DLGAP1: variants seen among roughly 807,000 people sequenced by gnomAD.
DLGAP1 encodes the protein DLG associated protein 1.
DLGAP1 carries 11 observed loss-of-function variants against 90.8 expected under a neutral mutation model. The observed-to-expected ratio is 0.12, with a 90% CI of 0.08 to 0.20. The LOEUF (loss-of-function observed/expected upper bound fraction) is 0.20. Among genes scored for constraint, DLGAP1 ranks in the 10% least tolerant of loss-of-function variants. The pLI is 1.00. For missense variants in DLGAP1, 1,050 were observed against 1,333.8 expected, an observed-to-expected ratio of 0.79 and a Z score of 3.31; for synonymous variants, 558 against 540.7, an observed-to-expected ratio of 1.03 and a Z score of -0.44.
rs543379979 is a variant in DLGAP1, at chr18:3,969,713, T to C, written c.-73+35403A>G. 8.5e-5 allele frequency among the ~76,000 whole-genome samples: 13 copies of C among 152,292 alleles called. No homozygotes were observed. In the South Asian group the frequency reaches 2.3e-3, roughly 27 times the overall value. On this transcript the variant is annotated intron_variant, in intron 3 of 12. Coordinates refer to ENST00000315677, the MANE Select transcript of DLGAP1 (RefSeq NM_004746.4). ...ATTTTAGTAGTGACTATCCACAGATTATGCAAAATCAAAATTAGGCCCTTA... is the reference window on the plus strand; with the variant it reads ...ATTTTAGTAGTGACTATCCACAGATCATGCAAAATCAAAATTAGGCCCTTA...
chr18:4,215,860 G>A (rs1044186446), intron 1 of DLGAP1, among the ~76,000 whole-genome samples: 2 of 152,016 alleles, frequency 1.3e-5, no homozygotes, highest in African/African-American at 4.8e-5. Flanking sequence ...AGTGGGAGCA[G>A]GAACACATTT....
intron 1 of DLGAP1, among the ~76,000 whole-genome samples, chr18:4,229,499 A>G (rs1418747008): frequency 1.3e-5 from 2 of 152,114 alleles, no homozygotes; most frequent in Admixed American, 1.3e-4. Flanking sequence ...ATGGAACAAA[A>G]TAGAGGACCT....
At chr18:4,138,380 G>A (rs527354378) in intron 2 of DLGAP1, among the ~76,000 whole-genome samples, 2 of 151,950 alleles carry the variant, frequency 1.3e-5, no homozygotes, top group South Asian at 4.2e-4. Context: ...ATGATCATAA[G>A]GTTTTTGTCC....
intron 3 of DLGAP1, among the ~76,000 whole-genome samples, chr18:3,936,977 T>C (rs1286763380): frequency 6.6e-6 from 1 of 152,178 alleles, no homozygotes; most frequent in Non-Finnish European, 1.5e-5. Context: ...TTGGCTCTTA[T>C]TTAAAACCAG....
Position 4,274,722 on chromosome 18 carries a change from CACA to C in DLGAP1, c.-266-123438_-266-123436del, listed in dbSNP as rs961399388. ...TTCTGACAGCTATAATTGAGAAAAC[CACA>C]ACAATTGAGTATTTGAAAACCCCGC... On this transcript the variant is annotated intron_variant, in intron 1 of 12. Coordinates refer to ENST00000315677, the MANE Select transcript of DLGAP1 (RefSeq NM_004746.4). Among the ~76,000 whole-genome samples, 4 of 152,098 alleles carry C rather than the reference CACA, an allele frequency of 2.6e-5. No individual in the cohort carries two copies. In the South Asian group the frequency reaches 6.2e-4, roughly 24 times the overall value.
chr18:3,528,231 A>G (rs2051774871), intron 10 of DLGAP1, among the ~76,000 whole-genome samples: 2 of 152,124 alleles, frequency 1.3e-5, no homozygotes, highest in Non-Finnish European at 2.9e-5. Flanking sequence ...TACTTGACCC[A>G]TTTATCGAAG....
At chr18:3,947,413 A>G (rs1432859074) in intron 3 of DLGAP1, among the ~76,000 whole-genome samples, 2 of 151,954 alleles carry the variant, frequency 1.3e-5, no homozygotes, top group Non-Finnish European at 2.9e-5. Flanking sequence ...TGTCCCCTCA[A>G]TCTCTGCCTC....
intron 2 of DLGAP1, among the ~76,000 whole-genome samples, chr18:4,062,200 C>T (rs6506161): frequency 0.43 from 65,613 of 151,652 alleles, 15,136 homozygotes; most frequent in African/African-American, 0.6. Flanking sequence ...TCTTAACTTA[C>T]GGCAATATAG....
At chr18:4,331,659 C>T (rs7228689) in intron 1 of DLGAP1, among the ~76,000 whole-genome samples, 55,172 of 151,216 alleles carry the variant, frequency 0.36, 10,340 homozygotes, top group African/African-American at 0.4. Flanking sequence ...AGATGACTGG[C>T]GCCCTGCTTC....
chr18:4,161,463 T>C (rs2076844249), intron 1 of DLGAP1, among the ~76,000 whole-genome samples: 1 of 152,208 alleles, frequency 6.6e-6, no homozygotes. Context: ...ATGGTATATA[T>C]GTACCACATT....
At chr18:3,740,408 G>C (rs1324974072) in intron 6 of DLGAP1, among the ~76,000 whole-genome samples, 1 of 152,088 alleles carries the variant, frequency 6.6e-6, no homozygotes. Flanking sequence ...GCATGTTCTT[G>C]GAGATTTCTG....
At position 4,428,514 on chromosome 18, in the gene DLGAP1, G is replaced by A. The variant is rs185464002; in HGVS notation, c.-267+26492C>T. Among the ~76,000 whole-genome samples the A allele has an allele frequency of 3.9e-4, 59 of 152,104 alleles. No individual in the cohort carries two copies. The East Asian group carries it at 9.7e-3, about 25-fold the overall frequency. On this transcript the variant is annotated intron_variant, in intron 1 of 12. Coordinates refer to ENST00000315677, the MANE Select transcript of DLGAP1 (RefSeq NM_004746.4). The stretch of plus-strand genomic sequence containing the variant: ...TGAGAAATGCTTGAACCTGGGAGGC[G>A]AAGGTTGCAGCGAACCGAGATCACA...
chr18:3,998,627 A>G (rs66927238), intron 3 of DLGAP1, among the ~76,000 whole-genome samples: 31,138 of 152,192 alleles, frequency 0.2, 3,875 homozygotes, highest in Non-Finnish European at 0.28. Context: ...TTAATAAAAT[A>G]ATATTCATCA....
intron 1 of DLGAP1, among the ~76,000 whole-genome samples, chr18:4,184,400 T>C (rs1267102911): frequency 6.6e-6 from 1 of 152,156 alleles, no homozygotes; most frequent in Non-Finnish European, 1.5e-5. Context: ...AATGCTGCAT[T>C]AAAATACATA....
chr18:4,177,069 G>T (rs181811323), intron 1 of DLGAP1, among the ~76,000 whole-genome samples: 1 of 152,206 alleles, frequency 6.6e-6, no homozygotes, highest in Admixed American at 6.5e-5. Flanking sequence ...ACTTGTCACT[G>T]AAGGCATAGA....
chr18:3,689,875 T>A (rs1033778693), intron 7 of DLGAP1, among the ~76,000 whole-genome samples: 1 of 152,222 alleles, frequency 6.6e-6, no homozygotes, highest in Non-Finnish European at 1.5e-5. Context: ...TAATAAGCAC[T>A]GTGATTTCTT....
At chr18:3,655,753 A>C in intron 7 of DLGAP1, 1 of 266,432 alleles carries the variant, frequency 3.8e-6, no homozygotes, top group South Asian at 1.1e-4. Flanking sequence ...ATCCAGGGCA[A>C]AGGTTCCTGA....
intron 10 of DLGAP1, among the ~76,000 whole-genome samples, chr18:3,528,569 G>A (rs2051797358): frequency 6.6e-6 from 1 of 152,174 alleles, no homozygotes; most frequent in South Asian, 2.1e-4. Flanking sequence ...CTGTGACCTT[G>A]GACAAGATAC....
At chr18:3,758,774 G>A (rs914513386) in intron 5 of DLGAP1, among the ~76,000 whole-genome samples, 2 of 152,264 alleles carry the variant, frequency 1.3e-5, no homozygotes, top group Non-Finnish European at 2.9e-5. Flanking sequence ...CAGCATAAGC[G>A]TCACGCATAG....
Sources: gnomAD v4.1 joint callset for allele counts (sites outside exome capture counted in the v4.1 genomes callset) on GRCh38, gnomAD v4.1.1 for gene constraint, MANE v1.5 for transcripts, NCBI Gene and HGNC (gene_info 2026-07-23, HGNC 2026-07-21) for gene names.